The following KCNN2 variants were observed in gnomAD, a reference collection of about 807,000 sequenced individuals.
KCNN2 encodes small conductance calcium-activated potassium channel protein 2.
In KCNN2, 24 loss-of-function variants were observed where a neutral mutation model predicts 55.5. That is an observed-to-expected ratio of 0.43 (90% CI 0.31 to 0.61). The LOEUF is 0.61. Among genes scored for constraint, KCNN2 ranks in the 20% least tolerant of loss-of-function variants. The probability of loss-of-function intolerance (pLI) is 0.08; values close to 1 mark genes in which losing one functional copy is unlikely to be tolerated. For missense variants in KCNN2, 754 were observed against 853.6 expected, an observed-to-expected ratio of 0.88 and a Z score of 1.45; for synonymous variants, 431 against 336.1, an observed-to-expected ratio of 1.28 and a Z score of -3.09.
intron 3 of KCNN2, among the ~76,000 whole-genome samples, chr5:114,410,684 A>G (rs1759104478): frequency 6.6e-6 from 1 of 152,074 alleles, no homozygotes; most frequent in African/African-American, 2.4e-5. Flanking sequence ...AGGAAAAGAG[A>G]GAGCAAAGGT....
chr5:114,362,705 C>T lies in KCNN2; in HGVS notation c.566C>T (p.Pro189Leu). The T allele has an allele frequency of 6.7e-7, 1 of 1,490,928 alleles. No individual in the cohort carries two copies. The highest frequency in any genetic ancestry group is 8.9e-7 in the Non-Finnish European group (1 of 1,129,510). 92.4% of individuals were successfully genotyped at this position (1,490,928 alleles called of 1,614,324 possible). The change falls in exon 1 of 8, where the codon CCG (proline) becomes CTG (leucine). Residue 189 changes from proline to leucine, a missense_variant. This residue lies in a region of KCNN2 where 381 missense variants were observed against 259.1 expected (regional missense o/e 1.47). Coordinates refer to ENST00000673685, the MANE Select transcript of KCNN2 (RefSeq NM_021614.4). The stretch of plus-strand genomic sequence containing the variant: ...CCGCTCTCGCACCACCACCACCACC[C>T]GCACCCGGCGCACCACCAGCACCAC... The part of the protein sequence containing the change: ...GPPLSHHHHH[P>L]HPAHHQHHQP...
At chr5:114,387,332 A>G (rs1216574022) in intron 2 of KCNN2, among the ~76,000 whole-genome samples, 1 of 152,198 alleles carries the variant, frequency 6.6e-6, no homozygotes, top group Non-Finnish European at 1.5e-5. Flanking sequence ...GGAAGTAACT[A>G]TTAATGTAAC....
rs112374932 is a variant in KCNN2 at position 114,451,765 on chromosome 5, C to T, written c.1638-11284C>T. Reference sequence around the variant, plus strand: ...CAAAAAAATTAGCCAGGCATGGTAGCGGGTGCCTGTAGTCTCAGCTACTTG... The same window carrying T: ...CAAAAAAATTAGCCAGGCATGGTAGTGGGTGCCTGTAGTCTCAGCTACTTG... On this transcript the variant is annotated intron_variant, in intron 3 of 7. Coordinates refer to ENST00000673685, the MANE Select transcript of KCNN2 (RefSeq NM_021614.4). Among the ~76,000 whole-genome samples, 444 of 151,798 alleles carry T rather than the reference C, an allele frequency of 2.9e-3. 1 individual carries two copies. The highest frequency in any genetic ancestry group is 5.1e-3 in the Non-Finnish European group (343 of 67,868).
chr5:114,335,805 G>C (rs1756912561), intron 2 of KCNN2, among the ~76,000 whole-genome samples: 1 of 152,128 alleles, frequency 6.6e-6, no homozygotes. Flanking sequence ...TATGGGAAGA[G>C]GTTCAGAATC....
At chr5:114,187,556 A>C (rs1180487125) in intron 1 of KCNN2, among the ~76,000 whole-genome samples, 9 of 134,058 alleles carry the variant, frequency 6.7e-5, no homozygotes, top group Non-Finnish European at 1.1e-4. Flanking sequence ...CCTAGGCTGG[A>C]GTGCAGTGGT....
At chr5:114,077,139 G>T (rs1750700199) in intron 1 of KCNN2, among the ~76,000 whole-genome samples, 2 of 152,190 alleles carry the variant, frequency 1.3e-5, no homozygotes, top group South Asian at 4.1e-4. Context: ...CATTTGAGAA[G>T]TGCTGTGGAG....
chr5:114,130,719 T>A (rs1047883450), intron 1 of KCNN2, among the ~76,000 whole-genome samples: 1 of 152,184 alleles, frequency 6.6e-6, no homozygotes, highest in African/African-American at 2.4e-5. Flanking sequence ...CTTCATAATT[T>A]TTTTTCCTCT....
At chr5:114,074,329 T>TGTGTGCGC (rs1200712655) in intron 1 of KCNN2, among the ~76,000 whole-genome samples, 21 of 138,668 alleles carry the variant, frequency 1.5e-4, no homozygotes, top group African/African-American at 5.5e-4. Flanking sequence ...TGTGTGTGTG[T>TGTGTGCGC]GCGCGCGCGC....
chr5:114,360,736 C>T (rs183355309), upstream of KCNN2, among the ~76,000 whole-genome samples: 10 of 152,250 alleles, frequency 6.6e-5, no homozygotes, highest in African/African-American at 2.4e-4. Flanking sequence ...AATAATGATA[C>T]CGAACTCCAA....
intron 1 of KCNN2, among the ~76,000 whole-genome samples, chr5:114,150,432 G>C (rs1752498063): frequency 6.6e-6 from 1 of 152,168 alleles, no homozygotes; most frequent in African/African-American, 2.4e-5. Flanking sequence ...CAGAAAAGTA[G>C]AGAAAGTAAA....
intron 1 of KCNN2, among the ~76,000 whole-genome samples, chr5:114,179,658 A>G (rs1753203178): frequency 1.3e-5 from 2 of 151,856 alleles, no homozygotes; most frequent in African/African-American, 4.8e-5. Context: ...TTTTTTCTAA[A>G]GCTTTCTTTG....
chr5:114,063,669 C>CA (rs1561459772), intron 1 of KCNN2, among the ~76,000 whole-genome samples: 1 of 152,140 alleles, frequency 6.6e-6, no homozygotes, highest in Non-Finnish European at 1.5e-5. Flanking sequence ...ATGACTAGTC[C>CA]ACCAGAGGGA....
intron 1 of KCNN2, among the ~76,000 whole-genome samples, chr5:114,148,620 G>A (rs1320355962): frequency 6.6e-6 from 1 of 152,066 alleles, no homozygotes; most frequent in Admixed American, 6.6e-5. Flanking sequence ...TTAGAAGAGG[G>A]GAGAGTTCTA....
intron 2 of KCNN2, among the ~76,000 whole-genome samples, chr5:114,291,181 TTTTTA>T (rs925150887): frequency 4.9e-5 from 7 of 142,106 alleles, no homozygotes; most frequent in East Asian, 2.1e-4. Context: ...TATATGAGCT[TTTTTA>T]TTTTATTTTA....
chr5:114,429,749 C>G (rs534025382), intron 3 of KCNN2, among the ~76,000 whole-genome samples: 211 of 144,134 alleles, frequency 1.5e-3, no homozygotes, highest in Admixed American at 2.8e-3. Flanking sequence ...ACATTTGAGT[C>G]TATGATCCAT....
chr5:114,155,643 G>A (rs1457214662), intron 1 of KCNN2, among the ~76,000 whole-genome samples: 2 of 152,178 alleles, frequency 1.3e-5, no homozygotes, highest in Non-Finnish European at 1.5e-5. Flanking sequence ...GAGCACCAAT[G>A]TTGAGCTTTT....
intron 2 of KCNN2, among the ~76,000 whole-genome samples, chr5:114,258,257 G>C (rs762284084): frequency 6.6e-6 from 1 of 152,108 alleles, no homozygotes; most frequent in East Asian, 1.9e-4. Context: ...GCATTTTGTT[G>C]AGGATTTGTG....
At chr5:114,298,526 G>C (rs1002795817) in intron 2 of KCNN2, among the ~76,000 whole-genome samples, 2 of 152,106 alleles carry the variant, frequency 1.3e-5, no homozygotes, top group African/African-American at 4.8e-5. Flanking sequence ...AGACTTTAGG[G>C]TTTTGGAGTT....
chr5:114,114,828 G>A (rs766747345), intron 1 of KCNN2, among the ~76,000 whole-genome samples: 1 of 152,090 alleles, frequency 6.6e-6, no homozygotes, highest in Non-Finnish European at 1.5e-5. Flanking sequence ...AATCAAAATG[G>A]ATCATTGCAC....
Sources: gnomAD v4.1 joint callset for allele counts (sites outside exome capture counted in the v4.1 genomes callset) on GRCh38, gnomAD v4.1.1 for gene constraint, gnomAD v4.1.1 regional missense constraint, MANE v1.5 for transcripts, NCBI Gene and HGNC (gene_info 2026-07-23, HGNC 2026-07-21) for gene names.